WDR27: variants seen among roughly 807,000 people sequenced by gnomAD.
The protein encoded by WDR27 is WD repeat domain 27, also known as WD repeat-containing protein 27.
A neutral mutation model predicts 114.4 loss-of-function variants in WDR27; 100 were observed. The observed-to-expected ratio is 0.87, with a 90% CI of 0.74 to 1.03. The LOEUF is 1.03. Ranked by LOEUF, WDR27 falls within the 50% of genes least tolerant of loss-of-function variation. The probability of loss-of-function intolerance (pLI) is 0.00; values close to 1 mark genes in which losing one functional copy is unlikely to be tolerated. For synonymous variants in WDR27, 449 were observed against 423.1 expected (o/e 1.06, Z -0.75); for missense variants, 1,129 against 1,092.9 (o/e 1.03, Z -0.47).
intron 1 of WDR27, among the ~76,000 whole-genome samples, chr6:169,689,532 T>C (rs547238564): frequency 6.6e-6 from 1 of 152,364 alleles, no homozygotes; most frequent in African/African-American, 2.4e-5. Context: ...TTCACAACAC[T>C]GTATGTAATT....
intron 25 of WDR27, among the ~76,000 whole-genome samples, chr6:169,503,689 T>A (rs1791628523): frequency 1.3e-5 from 2 of 152,170 alleles, no homozygotes; most frequent in African/African-American, 4.8e-5. Context: ...CATTTCTGAT[T>A]TCTGCTGTAA....
At chr6:169,598,709 G>A (rs1807327219) in intron 23 of WDR27, among the ~76,000 whole-genome samples, 1 of 152,166 alleles carries the variant, frequency 6.6e-6, no homozygotes, top group South Asian at 2.1e-4. Flanking sequence ...GAACCCCAGG[G>A]ACTGTAGCAG....
At chr6:169,470,806 G>A (rs142601861) in intron 25 of WDR27, among the ~76,000 whole-genome samples, 2 of 152,256 alleles carry the variant, frequency 1.3e-5, no homozygotes, top group East Asian at 3.9e-4. Flanking sequence ...TAAAAATTTT[G>A]GGGTAAAGGA....
At chr6:169,582,693 T>C (rs1803707031) in intron 24 of WDR27, 143 bp downstream of exon 24, 1 of 547,258 alleles carries the variant, frequency 1.8e-6, no homozygotes, top group South Asian at 3.2e-5. Flanking sequence ...ATATATTTCC[T>C]AAGTTCTCCT....
In WDR27 at chr6:169,532,990, G is replaced by A. The variant is rs1394250324; in HGVS notation, c.2645+39429C>T. Among the ~76,000 whole-genome samples, 3 of 152,250 alleles carry A rather than the reference G, an allele frequency of 2.0e-5. No individual in the cohort carries two copies. The East Asian group carries it at 5.8e-4, about 29-fold the overall frequency. ...CAAAAACAAAAACATATATATGTGTGTGTCAGACTCCCGAGATGTAGAGGT... is the reference window on the plus strand; with the variant it reads ...CAAAAACAAAAACATATATATGTGTATGTCAGACTCCCGAGATGTAGAGGT... On this transcript the variant is annotated intron_variant, in intron 25 of 25. Coordinates refer to ENST00000448612, the MANE Select transcript of WDR27 (RefSeq NM_182552.5).
At chr6:169,658,992 T>C in intron 12 of WDR27, 94 bp downstream of exon 12, 1 of 1,448,060 alleles carries the variant, frequency 6.9e-7, no homozygotes, top group African/African-American at 1.4e-5. Context: ...CGGCCAGAGC[T>C]CAGAGTTTTC....
At chr6:169,508,859 T>G (rs1000978387) in intron 25 of WDR27, among the ~76,000 whole-genome samples, 1 of 152,248 alleles carries the variant, frequency 6.6e-6, no homozygotes, top group African/African-American at 2.4e-5. Context: ...TTATTCACTC[T>G]GGTATATTTA....
At position 169,690,015 on chromosome 6, in the gene WDR27, G is replaced by T. The variant is rs186665424; in HGVS notation, c.-7-1003C>A. 1.5e-3 allele frequency among the ~76,000 whole-genome samples: 234 copies of T among 152,222 alleles called. 1 individual carries two copies. Among genetic ancestry groups the T allele is most frequent in the African/African-American group, 5.4e-3 (223 of 41,512 alleles). ...CGTGAGGCCCTCATGCTGGTCATGT[G>T]AATTCAGAGGATCCACCCATGAGGC... On this transcript the variant is annotated intron_variant, in intron 1 of 25. Transcript: ENST00000448612.
Position 169,667,173 on chromosome 6 carries a change from A to T in WDR27, c.675T>A (p.Cys225Ter), listed in dbSNP as rs780656107. 31 of 1,530,654 alleles carry T rather than the reference A, an allele frequency of 2.0e-5. No individual in the cohort carries two copies. The highest frequency in any genetic ancestry group is 2.6e-5 in the Non-Finnish European group (30 of 1,140,440). The allele number at this position is 1,530,654 out of a possible 1,614,324, so 94.8% of individuals were successfully genotyped here. ...EDRGFKVWDH[C>*]TGSLIYSSSV... ...ATGAACTGTATATTAATGATCCTGT[A>T]CAATGGTCCCAGACCTTTGGATAAA... The change falls in exon 6 of 26, where the codon TGT becomes TGA. Residue 225 changes from cysteine to a stop codon, truncating the protein, a stop_gained. Coordinates refer to ENST00000448612, the MANE Select transcript of WDR27 (RefSeq NM_182552.5). LOFTEE classifies it high-confidence loss of function.
intron 25 of WDR27, among the ~76,000 whole-genome samples, chr6:169,459,320 T>C (rs908452470): frequency 2.6e-5 from 4 of 151,572 alleles, no homozygotes. Context: ...TGAAATAAAG[T>C]ATTTACTAGA....
At chr6:169,575,374 A>C (rs1802126976) in intron 24 of WDR27, among the ~76,000 whole-genome samples, 2 of 105,496 alleles carry the variant, frequency 1.9e-5, no homozygotes, top group African/African-American at 4.1e-5. Context: ...CTCTCCATCC[A>C]TCCATCCCTC....
intron 23 of WDR27, among the ~76,000 whole-genome samples, chr6:169,583,496 T>C (rs1368243592): frequency 8.0e-4 from 21 of 26,112 alleles, no homozygotes; most frequent in Admixed American, 1.1e-3. Flanking sequence ...TACATATATA[T>C]ATATATATGT....
intron 23 of WDR27, among the ~76,000 whole-genome samples, chr6:169,599,320 G>C (rs1370820832): frequency 6.6e-6 from 1 of 152,200 alleles, no homozygotes; most frequent in Non-Finnish European, 1.5e-5. Context: ...ATTGGTATTT[G>C]ACATAGAGCT....
chr6:169,662,539 C>A, intron 8 of WDR27, 115 bp from the exon 9 acceptor site: 1 of 1,347,896 alleles, frequency 7.4e-7, no homozygotes, highest in Non-Finnish European at 1.0e-6. Flanking sequence ...TGGAGTCACT[C>A]GGATCACGCG....
At chr6:169,656,294 A>G (rs1824169275) in intron 13 of WDR27, among the ~76,000 whole-genome samples, 1 of 152,158 alleles carries the variant, frequency 6.6e-6, no homozygotes, top group South Asian at 2.1e-4. Context: ...AGAGGAAAGC[A>G]TGCCAAACAG....
intron 25 of WDR27, among the ~76,000 whole-genome samples, chr6:169,523,088 T>C (rs189696344): frequency 7.2e-5 from 11 of 151,920 alleles, no homozygotes; most frequent in Admixed American, 4.6e-4. Context: ...ATAAACAGTA[T>C]CAGAAACACA....
chr6:169,672,180 G>A (rs867622288), intron 3 of WDR27, 75 bp downstream of exon 3: 5 of 1,501,208 alleles, frequency 3.3e-6, no homozygotes, highest in Non-Finnish European at 4.5e-6. Context: ...CACCCCTTGG[G>A]TGGTACCAAG....
Position 169,632,904 on chromosome 6 carries a change from CAT to C in WDR27, c.2223+41_2223+42del, listed in dbSNP as rs748253605. The C allele has an allele frequency of 3.2e-6, 5 of 1,545,978 alleles. No individual in the cohort carries two copies. In the South Asian group the frequency reaches 6.2e-5, roughly 19 times the overall value. On this transcript the variant is annotated intron_variant, in intron 21 of 25. Transcript: ENST00000448612. ...TTGTATCTGTTAAATGCTTTAAGCA[CAT>C]AGTTTTACAGATGATACATGTTATC...
intron 20 of WDR27, 75 bp from the exon 21 acceptor site, chr6:169,633,143 A>G (rs1816831528): frequency 7.1e-7 from 1 of 1,414,764 alleles, no homozygotes; most frequent in Non-Finnish European, 9.4e-7. Flanking sequence ...CTCTTTTACT[A>G]ATAAAAACTT....
Sources: allele counts gnomAD v4.1 joint callset (sites outside exome capture counted in the v4.1 genomes callset), GRCh38; gene constraint gnomAD v4.1.1; transcripts MANE v1.5; gene names NCBI Gene and HGNC (gene_info 2026-07-23, HGNC 2026-07-21).